Variants in SLC25A34 observed in about 807,000 individuals in gnomAD.
The protein encoded by SLC25A34 is solute carrier family 25, member 34.
Under a neutral mutation model 28.1 loss-of-function variants are expected in SLC25A34, and 26 were observed. The observed-to-expected ratio is 0.93, with a 90% confidence interval of 0.68 to 1.28. SLC25A34 has a LOEUF of 1.28. Among genes scored for constraint, SLC25A34 ranks in the 50% most tolerant of loss-of-function variants. The pLI, the probability that SLC25A34 is intolerant of heterozygous loss-of-function variation, is 0.00. For synonymous variants in SLC25A34, 182 were observed against 182.2 expected (o/e 1.00, Z 0.01); for missense variants, 384 against 409.8 (o/e 0.94, Z 0.54).
intron 1 of SLC25A34, 47 bp downstream of exon 1, chr1:15,736,910 A>T: frequency 6.8e-7 from 1 of 1,460,580 alleles, no homozygotes; most frequent in Middle Eastern, 1.8e-4. Flanking sequence ...CCCATGACCC[A>T]GCTCCCACAG....
At chr1:15,738,039 C>T (rs777960646) in intron 2 of SLC25A34, 45 bp downstream of exon 2, 3 of 1,613,698 alleles carry the variant, frequency 1.9e-6, no homozygotes, top group South Asian at 1.1e-5. Context: ...ATGGATTGGG[C>T]ATGCTCCCAG....
chr1:15,739,268 G>A lies in SLC25A34; in HGVS notation c.777G>A (p.Trp259Ter). ...TCACCGACTGCATGGTGAAGATCTGGCGGCAGGAGGGCCCCCTGGCACTCT... is the reference window on the plus strand; with the variant it reads ...TCACCGACTGCATGGTGAAGATCTGACGGCAGGAGGGCCCCCTGGCACTCT... ...GGLTDCMVKI[W>*]RQEGPLALYK... is the part of the protein sequence containing the mutation. The change falls in exon 5 of 5, where the codon TGG (tryptophan) becomes TGA (stop). Residue 259 changes from tryptophan (W) to a stop codon, truncating the protein, a stop_gained. Transcript: ENST00000294454. LOFTEE classifies it high-confidence loss of function. 6.2e-7 allele frequency: 1 copy of A among 1,612,360 alleles called. No individual in the cohort carries two copies. The highest frequency in any genetic ancestry group is 1.1e-5 in the South Asian group (1 of 90,990).
chr1:15,739,362 G>A lies in SLC25A34; in HGVS notation c.871G>A (p.Glu291Lys), dbSNP rs373700603. ...CATCCTCAGCATGCTCTTCTGGGAC[G>A]AGCTTCGGAAACTGGCTGGGCGGGC... ...HTILSMLFWD[E>K]LRKLAGRAQH... The change falls in exon 5 of 5, where the codon GAG becomes AAG. Residue 291 changes from glutamate to lysine, a missense_variant. Glu to Lys is a moderately conservative substitution (Grantham distance 56, BLOSUM62 1). Coordinates refer to ENST00000294454, the MANE Select transcript of SLC25A34 (RefSeq NM_207348.3). 2.2e-5 allele frequency: 34 copies of A among 1,580,520 alleles called. No individual in the cohort carries two copies. The highest frequency in any genetic ancestry group is 4.1e-5 in the African/African-American group (3 of 73,126).
Position 15,738,166 on chromosome 1 carries a change from C to T in SLC25A34, c.518C>T (p.Ala173Val). ...LLGLWQGVGG[A>V]VPRVMVGSAA... The stretch of plus-strand genomic sequence containing the variant: ...GGGCTGTGGCAGGGCGTTGGTGGGG[C>T]TGTGCCCCGAGTCATGGTGGGCTCA... The change falls in exon 3 of 5, where the codon GCT becomes GTT. Residue 173 changes from alanine to valine, a missense_variant. Physicochemically the swap from Ala to Val is moderately conservative, Grantham distance 64 (BLOSUM62 0). Transcript: ENST00000294454. 6.2e-7 allele frequency: 1 copy of T among 1,608,118 alleles called. No individual in the cohort carries two copies. Among genetic ancestry groups the T allele is most frequent in the Non-Finnish European group, 8.5e-7 (1 of 1,176,898 alleles).
Position 15,736,475 on chromosome 1 carries a change from GC to G in SLC25A34, c.-8del. ...CTGACCCGGGCACAGAAGGCCACTG[GC>G]CCGGAGGCCATGGAGACGGTGCCCC... On this transcript the variant is annotated 5_prime_UTR_variant, in exon 1 of 5. Coordinates refer to ENST00000294454, the MANE Select transcript of SLC25A34 (RefSeq NM_207348.3). The G allele has an allele frequency of 6.9e-7, 1 of 1,439,970 alleles. No individual in the cohort carries two copies. 89.2% of individuals were successfully genotyped at this position (1,439,970 alleles called of 1,614,324 possible).
intron 4 of SLC25A34, chr1:15,738,991 G>A: frequency 1.6e-6 from 1 of 629,144 alleles, no homozygotes; most frequent in African/African-American, 1.9e-5. Context: ...CTGAGGCTCA[G>A]ACAGATCAAC....
Position 15,738,016 on chromosome 1 carries a change from G to C in SLC25A34, c.444+22G>C, listed in dbSNP as rs766901791. ...CCAGGTGAGGCCTGCCACTCTCAGA[G>C]CTCCCTGGGGGCATGGATTGGGCAT... is the stretch of plus-strand genomic sequence containing the variant. On this transcript the variant is annotated intron_variant, in intron 2 of 4. Coordinates refer to ENST00000294454, the MANE Select transcript of SLC25A34 (RefSeq NM_207348.3). The C allele has an allele frequency of 9.3e-6, 15 of 1,613,876 alleles. No homozygotes were observed. The African/African-American group carries it at 1.9e-4, about 20-fold the overall frequency.
At chr1:15,738,958 C>T in intron 4 of SLC25A34, 1 of 602,730 alleles carries the variant, frequency 1.7e-6, no homozygotes, top group Non-Finnish European at 2.7e-6. Flanking sequence ...CTTATAATCA[C>T]ATTCATCTTC....
Position 15,737,962 on chromosome 1 carries a change from G to T in SLC25A34, c.412G>T (p.Ala138Ser), listed in dbSNP as rs146057979. ...KTQLQAQTVA[A>S]VAVGHQHNHQ... Reference sequence around the variant, plus strand: ...GCAGCTGCAAGCTCAGACAGTGGCCGCAGTGGCCGTGGGACACCAGCACAA... The same window carrying T: ...GCAGCTGCAAGCTCAGACAGTGGCCTCAGTGGCCGTGGGACACCAGCACAA... The change falls in exon 2 of 5, where the codon GCA becomes TCA. Residue 138 changes from alanine (A) to serine (S), a missense_variant. Coordinates refer to ENST00000294454, the MANE Select transcript of SLC25A34 (RefSeq NM_207348.3). The T allele has an allele frequency of 6.8e-6, 11 of 1,613,982 alleles. No homozygotes were observed. The highest frequency in any genetic ancestry group is 8.5e-6 in the Non-Finnish European group (10 of 1,180,032).
At chr1:15,737,810 C>A in intron 1 of SLC25A34, 119 bp from the exon 2 acceptor site, 1 of 1,129,142 alleles carries the variant, frequency 8.9e-7, no homozygotes, top group African/African-American at 1.5e-5. Context: ...AAGCTTCAGG[C>A]TCGGGACCAT....
chr1:15,738,776 C>G, intron 4 of SLC25A34, 48 bp downstream of exon 4: 1 of 1,466,288 alleles, frequency 6.8e-7, no homozygotes, highest in African/African-American at 1.7e-5. Flanking sequence ...TGGGAGCACC[C>G]CCCCAACACA....
chr1:15,738,516 G>A (rs1261353842), intron 3 of SLC25A34, 78 bp from the exon 4 acceptor site: 1 of 1,543,634 alleles, frequency 6.5e-7, no homozygotes, highest in Non-Finnish European at 8.7e-7. Flanking sequence ...TAGCCCCTGT[G>A]TGGTAGGAGG....
intron 3 of SLC25A34, 21 bp from the exon 4 acceptor site, chr1:15,738,573 G>C: frequency 1.2e-6 from 2 of 1,602,708 alleles, no homozygotes; most frequent in South Asian, 2.2e-5. Context: ...GCAGGGATCA[G>C]CACCTGTGCC....
chr1:15,741,290 A>C lies in SLC25A34; in HGVS notation c.*1884A>C, dbSNP rs1200108606. Reference sequence around the variant, plus strand: ...GGCAGGACTGCTGCCGAGCAGCCCCACCTGCCCTCCCAGCCACACCCCAAG... The same window carrying C: ...GGCAGGACTGCTGCCGAGCAGCCCCCCCTGCCCTCCCAGCCACACCCCAAG... On this transcript the variant is annotated 3_prime_UTR_variant, in exon 5 of 5. Coordinates refer to ENST00000294454, the MANE Select transcript of SLC25A34 (RefSeq NM_207348.3). The C allele has an allele frequency of 2.0e-5, 3 of 152,632 alleles. No individual in the cohort carries two copies. Among genetic ancestry groups the C allele is most frequent in the Admixed American group, 6.5e-5 (1 of 15,274 alleles). 9.5% of individuals were successfully genotyped at this position (152,632 alleles called of 1,614,324 possible).
chr1:15,736,618 A>T lies in SLC25A34; in HGVS notation c.133A>T (p.Thr45Ser), dbSNP rs1296155431. The T allele has an allele frequency of 5.1e-6, 8 of 1,570,052 alleles. No individual in the cohort carries two copies. Among genetic ancestry groups the T allele is most frequent in the Non-Finnish European group, 6.9e-6 (8 of 1,158,158 alleles). The change falls in exon 1 of 5, where the codon ACC becomes TCC. Residue 45 changes from threonine to serine, a missense_variant. By Grantham distance (58) the Thr-to-Ser change is moderately conservative. Transcript: ENST00000294454. ...QLQGELQARG[T>S]YPRPYHGFIA... ...GCAGGGGGAGCTGCAGGCCCGGGGC[A>T]CCTACCCACGGCCCTACCATGGCTT...
At position 15,739,236 on chromosome 1, in the gene SLC25A34, GGGGGCCTCACCGACT is replaced by G; in HGVS notation, c.747_761del (p.Gly250_Cys254del). The G allele has an allele frequency of 1.2e-6, 2 of 1,612,456 alleles. No homozygotes were observed. Among genetic ancestry groups the G allele is most frequent in the Non-Finnish European group, 1.7e-6 (2 of 1,179,500 alleles). The stretch of plus-strand genomic sequence containing the variant: ...TGTCTTTCCCCAGGGCCAGCTCTAT[GGGGGCCTCACCGACT>G]GCATGGTGAAGATCTGGCGGCAGGA... On this transcript the variant is annotated inframe_deletion, in exon 5 of 5. Coordinates refer to ENST00000294454, the MANE Select transcript of SLC25A34 (RefSeq NM_207348.3).
chr1:15,736,632 C>G lies in SLC25A34; in HGVS notation c.147C>G (p.Pro49=), dbSNP rs2068226287. The G allele has an allele frequency of 5.0e-6, 8 of 1,585,160 alleles. No individual in the cohort carries two copies. The South Asian group carries it at 8.0e-5, about 16-fold the overall frequency. ...AGGCCCGGGGCACCTACCCACGGCC[C>G]TACCATGGCTTCATAGCCTCTGTCG... ...ELQARGTYPR[P]YHGFIASVAA... Residue 49 remains proline, a synonymous_variant, in exon 1 of 5, where the codon CCC becomes CCG. Coordinates refer to ENST00000294454, the MANE Select transcript of SLC25A34 (RefSeq NM_207348.3).
chr1:15,736,418 A>G lies in SLC25A34; in HGVS notation c.-68A>G. On this transcript the variant is annotated 5_prime_UTR_variant, in exon 1 of 5. The change abolishes the stop of an existing upstream ORF in the 5' untranslated region. Coordinates refer to ENST00000294454, the MANE Select transcript of SLC25A34 (RefSeq NM_207348.3). The stretch of plus-strand genomic sequence containing the variant: ...GCCCTGCGAGGTTACAGACAGCCTA[A>G]ACGCCACCACCACAGGGCCTGTGCC... 7.3e-7 allele frequency: 1 copy of G among 1,369,112 alleles called. No homozygotes were observed. The allele number at this position is 1,369,112 out of a possible 1,614,324, so 84.8% of individuals were successfully genotyped here.
At chr1:15,737,671 A>ACGGTTG (rs2068238020) in intron 1 of SLC25A34, 1 of 533,628 alleles carries the variant, frequency 1.9e-6, no homozygotes, top group African/African-American at 1.9e-5. Flanking sequence ...CTTAATCCTC[A>ACGGTTG]GAACAGCTTT....
Sources: gnomAD v4.1 joint callset for allele counts on GRCh38, gnomAD v4.1.1 for gene constraint, MANE v1.5 for transcripts, NCBI Gene and HGNC (gene_info 2026-07-23, HGNC 2026-07-21) for gene names.